Variants in ERC2 observed in about 807,000 individuals in gnomAD.
The protein encoded by ERC2 is ELKS/RAB6-interacting/CAST family member 2, also known as ERC protein 2.
A neutral mutation model predicts 114.8 loss-of-function variants in ERC2; 42 were observed. That is an observed-to-expected ratio of 0.37 (90% CI 0.29 to 0.47). The LOEUF (loss-of-function observed/expected upper bound fraction) is 0.47, where lower values mean the gene tolerates loss of function less well. Ranked by LOEUF, ERC2 falls within the 20% of genes least tolerant of loss-of-function variation. ERC2 has a pLI of 0.99. For missense variants in ERC2, 939 were observed against 1,150.7 expected (o/e 0.82, Z 2.66); for synonymous variants, 454 against 425.5 (o/e 1.07, Z -0.82).
intron 2 of ERC2, among the ~76,000 whole-genome samples, chr3:56,354,909 G>A (rs561404953): frequency 2.0e-5 from 3 of 152,306 alleles, no homozygotes; most frequent in Non-Finnish European, 2.9e-5. Context: ...TCCGGCACCT[G>A]TATGTTTGAA....
intron 2 of ERC2, among the ~76,000 whole-genome samples, chr3:56,388,469 T>C (rs777270531): frequency 3.0e-4 from 46 of 152,186 alleles, no homozygotes; most frequent in Non-Finnish European, 6.0e-4. Context: ...TCACACTTCT[T>C]GTACAACCCG....
chr3:55,741,170 G>T (rs1046272775), intron 14 of ERC2, among the ~76,000 whole-genome samples: 1 of 152,046 alleles, frequency 6.6e-6, no homozygotes. Context: ...ATTTCATTTT[G>T]CTATCCCTAC....
chr3:55,906,516 C>G lies in ERC2; in HGVS notation c.2404-17967G>C, dbSNP rs9822787. On this transcript the variant is annotated intron_variant, in intron 13 of 17. Transcript: ENST00000288221. ...TCACCTGGAAATGTATTTGAATGTA[C>G]GTTCTCAGCATCCTCCCATCCCATG... is the stretch of plus-strand genomic sequence containing the variant. Among the ~76,000 whole-genome samples the G allele has an allele frequency of 7.9e-5, 12 of 151,462 alleles. 1 individual carries two copies. The highest frequency in any genetic ancestry group is 1.8e-4 in the Non-Finnish European group (12 of 67,952).
At chr3:56,027,894 C>T (rs1285275388) in intron 7 of ERC2, among the ~76,000 whole-genome samples, 1 of 152,118 alleles carries the variant, frequency 6.6e-6, no homozygotes, top group South Asian at 2.1e-4. Context: ...AAGATTTTCT[C>T]CTATAGTTTT....
intron 14 of ERC2, among the ~76,000 whole-genome samples, chr3:55,788,271 A>G (rs2069674102): frequency 1.3e-5 from 2 of 152,196 alleles, no homozygotes; most frequent in Non-Finnish European, 2.9e-5. Context: ...TCCCCTGATA[A>G]TCTCAGAGTT....
At chr3:55,662,408 T>G (rs1327893414) in intron 17 of ERC2, among the ~76,000 whole-genome samples, 3 of 152,170 alleles carry the variant, frequency 2.0e-5, no homozygotes, top group Admixed American at 1.3e-4. Flanking sequence ...ATAAGGTAGG[T>G]CTATATATAT....
chr3:56,344,956 C>T (rs546646880), intron 2 of ERC2, among the ~76,000 whole-genome samples: 36 of 152,172 alleles, frequency 2.4e-4, no homozygotes, highest in Non-Finnish European at 4.6e-4. Flanking sequence ...ACATGTTCTT[C>T]CTCAGCAAGA....
chr3:55,769,850 G>A (rs1274526673), intron 14 of ERC2, among the ~76,000 whole-genome samples: 2 of 152,186 alleles, frequency 1.3e-5, no homozygotes, highest in Non-Finnish European at 2.9e-5. Flanking sequence ...GCAAGTGAAT[G>A]GAAGGAGGGG....
intron 14 of ERC2, among the ~76,000 whole-genome samples, chr3:55,875,449 C>T (rs966935556): frequency 3.3e-5 from 5 of 152,144 alleles, no homozygotes; most frequent in Admixed American, 1.3e-4. Flanking sequence ...AATTAAGATC[C>T]CAGGGAACTG....
chr3:55,520,259 A>C (rs1412261260), intron 17 of ERC2, among the ~76,000 whole-genome samples: 1 of 151,424 alleles, frequency 6.6e-6, no homozygotes, highest in African/African-American at 2.4e-5. Context: ...AACGTGGTGA[A>C]ACCCTGTCTC....
chr3:55,996,433 A>C (rs1182847374), intron 10 of ERC2, among the ~76,000 whole-genome samples: 1 of 152,196 alleles, frequency 6.6e-6, no homozygotes, highest in Non-Finnish European at 1.5e-5. Flanking sequence ...ATTTAATTCC[A>C]CTGATTAAAC....
intron 6 of ERC2, among the ~76,000 whole-genome samples, chr3:56,136,155 C>G (rs1386147778): frequency 6.6e-6 from 1 of 152,182 alleles, no homozygotes; most frequent in Non-Finnish European, 1.5e-5. Flanking sequence ...CTACACCTCA[C>G]CCCACCCTTC....
chr3:56,265,954 G>A (rs1007289894), intron 3 of ERC2, among the ~76,000 whole-genome samples: 2 of 150,958 alleles, frequency 1.3e-5, no homozygotes, highest in Non-Finnish European at 2.9e-5. Context: ...ACTTGAACCT[G>A]GGCGGTGGAG....
rs1559497843 is a variant in ERC2, at chr3:56,434,616, T to C, written c.392A>G (p.His131Arg). 6.2e-7 allele frequency: 1 copy of C among 1,613,878 alleles called. No homozygotes were observed. Among genetic ancestry groups the C allele is most frequent in the Non-Finnish European group, 8.5e-7 (1 of 1,179,848 alleles). ...CAACATGGAGGGGACCTGGTGGTGG[T>C]GATGATGGGATGAGCCAGTCAGCCC... ...HGGLTGSSHH[H>R]HHQVPSMLRQ... The change falls in exon 2 of 18, where the codon CAC (histidine) becomes CGC (arginine). Residue 131 changes from histidine to arginine, a missense_variant. By Grantham distance (29) the His-to-Arg change is conservative (BLOSUM62 0). This residue lies in a region of ERC2 where 281 missense variants were observed against 307.4 expected (regional missense o/e 0.91). Coordinates refer to ENST00000288221, the MANE Select transcript of ERC2 (RefSeq NM_015576.3).
At chr3:56,200,915 G>A (rs922407637) in intron 3 of ERC2, among the ~76,000 whole-genome samples, 2 of 152,216 alleles carry the variant, frequency 1.3e-5, no homozygotes, top group Admixed American at 6.5e-5. Flanking sequence ...GTTGTTAAAC[G>A]TTTACCAGCA....
intron 3 of ERC2, among the ~76,000 whole-genome samples, chr3:56,221,739 C>T (rs1010572376): frequency 6.6e-6 from 1 of 152,046 alleles, no homozygotes; most frequent in Non-Finnish European, 1.5e-5. Context: ...CCCGTCTCTA[C>T]TAAAAATACA....
chr3:56,276,474 A>AAAAAAAAAAAAAAAAAAAAAC (rs1446116012), intron 3 of ERC2, among the ~76,000 whole-genome samples: 3 of 147,004 alleles, frequency 2.0e-5, no homozygotes, highest in Non-Finnish European at 3.0e-5. Context: ...AAAAAAAAAA[A>AAAAAAAAAAAAAAAAAAAAAC]AAACAAACTC....
chr3:55,715,165 G>A (rs896885347), intron 15 of ERC2, among the ~76,000 whole-genome samples: 10 of 152,096 alleles, frequency 6.6e-5, no homozygotes, highest in Non-Finnish European at 1.3e-4. Flanking sequence ...GACAGGCATG[G>A]TTGTGTCTAT....
At chr3:55,566,235 A>C (rs564153781) in intron 17 of ERC2, among the ~76,000 whole-genome samples, 17 of 152,344 alleles carry the variant, frequency 1.1e-4, no homozygotes, top group Admixed American at 5.9e-4. Flanking sequence ...GTATAGGTAC[A>C]TGAAGAATTA....
Sources: allele counts gnomAD v4.1 joint callset (sites outside exome capture counted in the v4.1 genomes callset), GRCh38; gene constraint gnomAD v4.1.1; regional missense constraint gnomAD v4.1.1; transcripts MANE v1.5; gene names NCBI Gene and HGNC (gene_info 2026-07-23, HGNC 2026-07-21).